TBX22: variants seen among roughly 807,000 people sequenced by gnomAD.
TBX22 encodes the protein T-box transcription factor 22, also known as T-box transcription factor TBX22.
Under a neutral mutation model 30.1 loss-of-function variants are expected in TBX22, and 8 were observed. That is an observed-to-expected ratio of 0.27 (90% CI 0.16 to 0.48). TBX22 has a LOEUF of 0.48. Among genes scored for constraint, TBX22 ranks in the 20% least tolerant of loss-of-function variants. The pLI is 0.99. For missense variants in TBX22, 463 were observed against 400.5 expected (o/e 1.16, Z -1.33); for synonymous variants, 173 against 149.1 (o/e 1.16, Z -1.17).
At chrX:80,020,354 A>T (rs759139797) in intron 1 of TBX22, among the ~76,000 whole-genome samples, 2 of 110,463 alleles carry the variant, frequency 1.8e-5, no homozygotes, top group Non-Finnish European at 3.8e-5. Flanking sequence ...AGATAGATAG[A>T]TCTTCTGAGT....
At chrX:80,017,692 G>A (rs748311002) in intron 1 of TBX22, among the ~76,000 whole-genome samples, 3 of 110,988 alleles carry the variant, frequency 2.7e-5, no homozygotes, top group Non-Finnish European at 3.8e-5. Flanking sequence ...AATTAGCCAC[G>A]TACAAAATTG....
chrX:80,023,033 C>T, intron 2 of TBX22, 27 bp from the exon 3 acceptor site: 1 of 1,207,249 alleles, frequency 8.3e-7, no homozygotes, highest in Non-Finnish European at 1.1e-6. Context: ...CTCTCTCAAA[C>T]CCTGAGCGCC....
chrX:80,031,351 T>C lies in TBX22; in HGVS notation c.*240T>C. 1 of 375,601 alleles carries C rather than the reference T, an allele frequency of 2.7e-6. No homozygotes were observed. The highest frequency in any genetic ancestry group is 4.6e-6 in the Non-Finnish European group (1 of 217,593). 31.0% of individuals were successfully genotyped at this position (375,601 alleles called of 1,213,427 possible). A position where few individuals can be genotyped will look rare whatever the true frequency, so the allele number is the denominator to read the frequency against. On this transcript the variant is annotated 3_prime_UTR_variant, in exon 9 of 9. Coordinates refer to ENST00000373296, the MANE Select transcript of TBX22 (RefSeq NM_001109878.2). The stretch of plus-strand genomic sequence containing the variant: ...TGGCCTTGAGCTTCAAAATGAGATA[T>C]GCAATAAATATTATTTGATGATACT...
intron 2 of TBX22, 43 bp downstream of exon 2, chrX:80,022,487 G>A: frequency 1.3e-5 from 15 of 1,142,847 alleles, no homozygotes; most frequent in Non-Finnish European, 1.8e-5. Flanking sequence ...TGAGCTTACT[G>A]GTTCCGCATC....
In TBX22 at chrX:80,022,303, G is replaced by T; in HGVS notation, c.34G>T (p.Val12Leu). 8.3e-7 allele frequency: 1 copy of T among 1,211,451 alleles called. No homozygotes were observed. The highest frequency in any genetic ancestry group is 1.1e-6 in the Non-Finnish European group (1 of 895,472). Residue 12 changes from valine to leucine, a missense_variant, in exon 2 of 9, where the codon GTG becomes TTG. Val to Leu is a conservative substitution (Grantham distance 32). Coordinates refer to ENST00000373296, the MANE Select transcript of TBX22 (RefSeq NM_001109878.2). ...ALSSRARAFS[V>L]EALVGRPSKR... ...GAGCTCTCGGGCGCGTGCCTTCTCC[G>T]TGGAAGCCTTGGTGGGGAGACCCAG...
intron 8 of TBX22, among the ~76,000 whole-genome samples, chrX:80,028,649 ATAAT>A (rs1924095304): frequency 8.9e-6 from 1 of 112,325 alleles, no homozygotes; most frequent in Non-Finnish European, 1.9e-5. Flanking sequence ...CAAAATAATA[ATAAT>A]TAAATAATGC....
chrX:80,022,027 TACACACACACACACACAC>T (rs200577659), intron 1 of TBX22, among the ~76,000 whole-genome samples: 9 of 92,948 alleles, frequency 9.7e-5, no homozygotes, highest in Non-Finnish European at 1.3e-4. Context: ...ATAAAAAAAT[TACACACACACACACACAC>T]ACACACACAC....
Position 80,028,045 on chromosome X carries a change from C to G in TBX22, c.918C>G (p.Leu306=). The part of the protein sequence containing the change: ...ETYPWRPSFT[L]DFKTFGADTQ... Reference sequence around the variant, plus strand: ...ACCCATGGAGGCCTTCTTTCACTCTCGATTTTAAAACCTTTGGCGCAGACA... The same window carrying G: ...ACCCATGGAGGCCTTCTTTCACTCTGGATTTTAAAACCTTTGGCGCAGACA... The change falls in exon 8 of 9, where the codon CTC becomes CTG. Residue 306 remains leucine (L), a synonymous_variant. Transcript: ENST00000373296. 1 of 1,210,831 alleles carries G rather than the reference C, an allele frequency of 8.3e-7. No homozygotes were observed. Among genetic ancestry groups the G allele is most frequent in the Non-Finnish European group, 1.1e-6 (1 of 894,866 alleles).
Position 80,026,723 on chromosome X carries a change from A to G in TBX22, c.653A>G (p.His218Arg). 1 of 1,211,835 alleles carries G rather than the reference A, an allele frequency of 8.3e-7. No individual in the cohort carries two copies. Among genetic ancestry groups the G allele is most frequent in the Non-Finnish European group, 1.1e-6 (1 of 895,397 alleles). ...DKGHIILQSM[H>R]KYKPRVHVIE... is the part of the protein sequence containing the mutation. ...CTCCAGATCATTCTGCAATCCATGC[A>G]TAAGTACAAACCCCGAGTGCACGTG... Residue 218 changes from histidine to arginine, a missense_variant, in exon 6 of 9, where the codon CAT becomes CGT. By Grantham distance (29) the His-to-Arg change is conservative. Transcript: ENST00000373296.
intron 4 of TBX22, among the ~76,000 whole-genome samples, chrX:80,024,367 C>T (rs937060490): frequency 9.0e-6 from 1 of 111,557 alleles, no homozygotes; most frequent in Non-Finnish European, 1.9e-5. Flanking sequence ...TTCTTCCTCT[C>T]TCTGCCCCCA....
chrX:80,022,638 G>A, intron 2 of TBX22, 194 bp downstream of exon 2: 1 of 476,520 alleles, frequency 2.1e-6, no homozygotes, highest in African/African-American at 2.4e-5. Context: ...TAAAGGGGAG[G>A]GTCCCTACAT....
At position 80,031,484 on chromosome X, in the gene TBX22, G is replaced by A. The variant is rs1411440914; in HGVS notation, c.*373G>A. On this transcript the variant is annotated 3_prime_UTR_variant, in exon 9 of 9. Transcript: ENST00000373296. ...TGACAATGACAAAAAGAAGATGGAT[G>A]TAATTCTCATGAAAGCAGTGAAGCA... 1 of 150,501 alleles carries A rather than the reference G, an allele frequency of 6.6e-6. No individual in the cohort carries two copies. Among genetic ancestry groups the A allele is most frequent in the Non-Finnish European group, 1.3e-5 (1 of 78,144 alleles). The allele number at this position is 150,501 out of a possible 1,213,427, so 12.4% of individuals were successfully genotyped here.
intron 1 of TBX22, among the ~76,000 whole-genome samples, chrX:80,021,028 C>T (rs921397682): frequency 4.5e-5 from 5 of 110,721 alleles, no homozygotes; most frequent in East Asian, 2.8e-4. Context: ...TATCTGCATA[C>T]GTAAACATGC....
At chrX:80,027,516 T>A (rs1924038092) in intron 7 of TBX22, among the ~76,000 whole-genome samples, 196 bp downstream of exon 7, 1 of 111,107 alleles carries the variant, frequency 9.0e-6, no homozygotes, top group Non-Finnish European at 1.9e-5. Flanking sequence ...GTAGCTAGGA[T>A]TACAGGCATG....
intron 1 of TBX22, among the ~76,000 whole-genome samples, chrX:80,017,609 A>G (rs1923510951): frequency 9.0e-6 from 1 of 111,257 alleles, no homozygotes; most frequent in African/African-American, 3.3e-5. Context: ...TACTAGAATC[A>G]CCATAGGGTA....
intron 8 of TBX22, among the ~76,000 whole-genome samples, chrX:80,028,374 A>G (rs1184522914): frequency 8.9e-6 from 1 of 112,482 alleles, no homozygotes; most frequent in African/African-American, 3.2e-5. Context: ...TCACTGTTTC[A>G]CATTCTTTAG....
intron 8 of TBX22, among the ~76,000 whole-genome samples, chrX:80,028,958 G>A (rs1291165110): frequency 9.7e-6 from 1 of 103,168 alleles, no homozygotes. Context: ...GGAATTGCAT[G>A]AAAAAAAAAA....
intron 1 of TBX22, among the ~76,000 whole-genome samples, chrX:80,018,457 G>A (rs1415313546): frequency 9.0e-6 from 1 of 111,528 alleles, no homozygotes; most frequent in African/African-American, 3.3e-5. Context: ...AAAAAAAAAG[G>A]TGGCTTTCCT....
In TBX22 at chrX:80,017,280, T is replaced by G. The variant is rs866796223; in HGVS notation, c.-3+2393T>G. ...GTTTGACACTAGTTTGGTGTTGTTT[T>G]TGTGTGTGTGTGTGTGTGTGTGTGT... On this transcript the variant is annotated intron_variant, in intron 1 of 8. Transcript: ENST00000373296. Among the ~76,000 whole-genome samples the G allele has an allele frequency of 4.7e-3, 443 of 93,966 alleles. 2 individuals carry two copies. The highest frequency in any genetic ancestry group is 7.4e-3 in the Admixed American group (63 of 8,532). 81.6% of individuals were successfully genotyped at this position (93,966 alleles called of 115,157 possible). A position where few individuals can be genotyped will look rare whatever the true frequency, so the allele number is the denominator to read the frequency against.
Sources: gnomAD v4.1 joint callset for allele counts (sites outside exome capture counted in the v4.1 genomes callset) on GRCh38, gnomAD v4.1.1 for gene constraint, MANE v1.5 for transcripts, NCBI Gene and HGNC (gene_info 2026-07-23, HGNC 2026-07-21) for gene names.